The following IGF2BP1 variants were observed in gnomAD, a reference collection of about 807,000 sequenced individuals.
IGF2BP1 encodes insulin-like growth factor 2 mRNA-binding protein 1.
Under a neutral mutation model 74.9 loss-of-function variants are expected in IGF2BP1, and 11 were observed. The observed-to-expected ratio is 0.15, with a 90% confidence interval of 0.09 to 0.24. IGF2BP1 has a LOEUF of 0.24. Ranked by LOEUF, IGF2BP1 falls within the 10% of genes least tolerant of loss-of-function variation. The pLI, the probability that IGF2BP1 is intolerant of heterozygous loss-of-function variation, is 1.00. For synonymous variants in IGF2BP1, 287 were observed against 281.8 expected (o/e 1.02, Z -0.18); for missense variants, 440 against 757.4 (o/e 0.58, Z 4.92).
At chr17:49,002,067 A>T (rs886493546) in intron 2 of IGF2BP1, among the ~76,000 whole-genome samples, 1 of 152,094 alleles carries the variant, frequency 6.6e-6, no homozygotes, top group African/African-American at 2.4e-5. Context: ...ATTTTTTTTA[A>T]AGGTGAAATG....
At chr17:49,036,491 G>A (rs966574340) in intron 5 of IGF2BP1, 2 of 152,034 alleles carry the variant, frequency 1.3e-5, no homozygotes, top group African/African-American at 4.8e-5. Flanking sequence ...AAAAATGGGG[G>A]ACTGCGGAGG....
chr17:49,038,674 A>C (rs1403013134), intron 6 of IGF2BP1, among the ~76,000 whole-genome samples: 2 of 152,114 alleles, frequency 1.3e-5, no homozygotes, highest in Non-Finnish European at 2.9e-5. Flanking sequence ...TCGTATTAGC[A>C]AGAGAGATTC....
chr17:49,052,444 TCCTTTTCCGTTGGCTGATTC>T lies in IGF2BP1; in HGVS notation c.*3001_*3020del, dbSNP rs1339962524. The T allele has an allele frequency of 6.6e-6, 1 of 152,150 alleles. No individual in the cohort carries two copies. Among genetic ancestry groups the T allele is most frequent in the African/African-American group, 2.4e-5 (1 of 41,416 alleles). 9.4% of individuals were successfully genotyped at this position (152,150 alleles called of 1,614,324 possible). A position where few individuals can be genotyped will look rare whatever the true frequency, so the allele number is the denominator to read the frequency against. On this transcript the variant is annotated 3_prime_UTR_variant, in exon 15 of 15. Transcript: ENST00000290341. ...GCTCCCTTCACACCTTGAGCCCAAGTCCTTTTCCGTTGGCTGATTCAGCTCCCAGAAGAGACGAGGAAGTG... is the reference window on the plus strand; with the variant it reads ...GCTCCCTTCACACCTTGAGCCCAAGTAGCTCCCAGAAGAGACGAGGAAGTG...
At chr17:49,014,328 C>CT (rs1159386703) in intron 2 of IGF2BP1, among the ~76,000 whole-genome samples, 2 of 148,612 alleles carry the variant, frequency 1.3e-5, no homozygotes, top group Non-Finnish European at 3.0e-5. Flanking sequence ...CTCAGCCCCC[C>CT]AGTCGCCGTC....
At chr17:49,003,580 C>T (rs1009690605) in intron 2 of IGF2BP1, among the ~76,000 whole-genome samples, 2 of 151,914 alleles carry the variant, frequency 1.3e-5, no homozygotes, top group Non-Finnish European at 2.9e-5. Flanking sequence ...GGACATTTTC[C>T]CAGCTGTTAG....
intron 2 of IGF2BP1, among the ~76,000 whole-genome samples, chr17:49,023,894 T>C (rs1340227874): frequency 6.6e-6 from 1 of 151,420 alleles, no homozygotes; most frequent in Non-Finnish European, 1.5e-5. Context: ...ACCCTGAGCC[T>C]GAAAGCCTTC....
At chr17:49,046,608 A>G (rs965768641) in intron 14 of IGF2BP1, among the ~76,000 whole-genome samples, 5 of 150,536 alleles carry the variant, frequency 3.3e-5, no homozygotes, top group Admixed American at 3.3e-4. Context: ...TAATGTACAT[A>G]TATTGTGTAT....
intron 2 of IGF2BP1, among the ~76,000 whole-genome samples, chr17:49,007,482 G>A (rs1267804263): frequency 6.6e-6 from 1 of 152,212 alleles, no homozygotes; most frequent in East Asian, 1.9e-4. Context: ...CCCAGCCCTC[G>A]GAATAAGGGT....
In IGF2BP1 at chr17:49,053,750, C is replaced by G. The variant is rs922955452; in HGVS notation, c.*4306C>G. Reference sequence around the variant, plus strand: ...GCCCCAGAGGGCCTGCTTGAGCCTTCTTGCTCCACAGGAGAAGCTGGTGCC... The same window carrying G: ...GCCCCAGAGGGCCTGCTTGAGCCTTGTTGCTCCACAGGAGAAGCTGGTGCC... On this transcript the variant is annotated 3_prime_UTR_variant, in exon 15 of 15. Transcript: ENST00000290341. The G allele has an allele frequency of 3.3e-5, 5 of 152,688 alleles. No homozygotes were observed. The highest frequency in any genetic ancestry group is 1.2e-4 in the African/African-American group (5 of 41,460). The allele number at this position is 152,688 out of a possible 1,614,324, so 9.5% of individuals were successfully genotyped here.
Position 49,045,056 on chromosome 17 carries a change from C to T in IGF2BP1, c.1386C>T (p.Ala462=), listed in dbSNP as rs755961280. 1 of 1,613,826 alleles carries T rather than the reference C, an allele frequency of 6.2e-7. No homozygotes were observed. ...RMVIITGPPE[A]QFKAQGRIYG... ...TTATCATCACTGGACCGCCAGAGGC[C>T]CAATTCAAGGTTTTGGTCTTTATTG... Residue 462 remains alanine (A), a synonymous_variant, in exon 12 of 15, where the codon GCC becomes GCT. Coordinates refer to ENST00000290341, the MANE Select transcript of IGF2BP1 (RefSeq NM_006546.4).
At chr17:49,046,182 T>G in intron 13 of IGF2BP1, 78 bp from the exon 14 acceptor site, 7 of 1,446,064 alleles carry the variant, frequency 4.8e-6, no homozygotes, top group Non-Finnish European at 5.8e-6. Context: ...TTCTCCCCAC[T>G]AGTCACCCTG....
At chr17:49,032,902 A>C (rs1465028226) in intron 5 of IGF2BP1, among the ~76,000 whole-genome samples, 1 of 151,570 alleles carries the variant, frequency 6.6e-6, no homozygotes, top group East Asian at 2.0e-4. Flanking sequence ...TGCAACCTCA[A>C]CCTCCTGGGC....
At chr17:49,010,263 G>A (rs1229509995) in intron 2 of IGF2BP1, among the ~76,000 whole-genome samples, 1 of 151,298 alleles carries the variant, frequency 6.6e-6, no homozygotes, top group Admixed American at 6.6e-5. Flanking sequence ...TTCAAAAAAT[G>A]GCCATTTAAA....
chr17:49,032,346 G>A (rs1567821720), intron 5 of IGF2BP1, among the ~76,000 whole-genome samples: 2 of 152,114 alleles, frequency 1.3e-5, no homozygotes, highest in Non-Finnish European at 2.9e-5. Context: ...GCGCCATCTA[G>A]TGATAATGAG....
At chr17:49,024,225 G>A (rs770261323) in intron 2 of IGF2BP1, among the ~76,000 whole-genome samples, 7 of 151,106 alleles carry the variant, frequency 4.6e-5, no homozygotes, top group African/African-American at 1.2e-4. Flanking sequence ...GCCACCGCGC[G>A]TGGCTAAAAA....
rs1345459713 is a variant in IGF2BP1, at chr17:49,055,413, A to G, written c.*5969A>G. On this transcript the variant is annotated 3_prime_UTR_variant, in exon 15 of 15. Coordinates refer to ENST00000290341, the MANE Select transcript of IGF2BP1 (RefSeq NM_006546.4). ...TTCTCTCCCTTCTCCCCTCCCAGCC[A>G]GCTGACTTCAGTCACCCCTGTCCCC... 8.4e-6 allele frequency: 3 copies of G among 356,212 alleles called. No homozygotes were observed. Among genetic ancestry groups the G allele is most frequent in the East Asian group, 3.9e-5 (1 of 25,410 alleles). The allele number at this position is 356,212 out of a possible 1,614,324, so 22.1% of individuals were successfully genotyped here. A position where few individuals can be genotyped will look rare whatever the true frequency, so the allele number is the denominator to read the frequency against.
At chr17:49,023,045 T>C (rs2041811432) in intron 2 of IGF2BP1, among the ~76,000 whole-genome samples, 1 of 152,256 alleles carries the variant, frequency 6.6e-6, no homozygotes, top group Admixed American at 6.5e-5. Context: ...TTTCTTTTCC[T>C]CATTTCTTCC....
intron 4 of IGF2BP1, among the ~76,000 whole-genome samples, chr17:49,027,932 A>G (rs1330327399): frequency 7.1e-6 from 1 of 141,618 alleles, no homozygotes; most frequent in Non-Finnish European, 1.5e-5. Context: ...ATACTTTGGG[A>G]GGCCAAGGTG....
At position 49,016,817 on chromosome 17, in the gene IGF2BP1, G is replaced by GC. The variant is rs1209228030; in HGVS notation, c.237-8794dup. ...CGCCCGCCCGCCCCCCTGTCCTCCT[G>GC]CCCCCCCGCCTGTCCTCCCGCCTGT... On this transcript the variant is annotated intron_variant, in intron 2 of 14. Coordinates refer to ENST00000290341, the MANE Select transcript of IGF2BP1 (RefSeq NM_006546.4). Among the ~76,000 whole-genome samples, 16 of 23,590 alleles carry GC rather than the reference G, an allele frequency of 6.8e-4. 1 individual carries two copies. Among genetic ancestry groups the GC allele is most frequent in the South Asian group, 3.5e-3 (3 of 860 alleles). 15.5% of individuals were successfully genotyped at this position (23,590 alleles called of 152,430 possible).
Sources: allele counts gnomAD v4.1 joint callset (sites outside exome capture counted in the v4.1 genomes callset), GRCh38; gene constraint gnomAD v4.1.1; transcripts MANE v1.5; gene names NCBI Gene and HGNC (gene_info 2026-07-23, HGNC 2026-07-21).